Variants in ZNF429 observed in about 807,000 individuals in gnomAD.
The protein encoded by ZNF429 is zinc finger protein 429.
Under a neutral mutation model 56.8 loss-of-function variants are expected in ZNF429, and 53 were observed. That is an observed-to-expected ratio of 0.93 (90% confidence interval 0.75 to 1.17). The LOEUF (loss-of-function observed/expected upper bound fraction) is 1.17. Ranked by LOEUF, ZNF429 falls within the 50% of genes most tolerant of loss-of-function variation. The probability of loss-of-function intolerance (pLI) is 0.00; values close to 1 mark genes in which losing one functional copy is unlikely to be tolerated. For missense variants in ZNF429, 849 were observed against 788.4 expected, an observed-to-expected ratio of 1.08 and a Z score of -0.92; for synonymous variants, 278 against 264.7, an observed-to-expected ratio of 1.05 and a Z score of -0.49.
intron 2 of ZNF429, 57 bp from the exon 3 acceptor site, chr19:21,530,532 A>G: frequency 1.6e-6 from 2 of 1,286,768 alleles, no homozygotes; most frequent in Non-Finnish European, 1.1e-6. Flanking sequence ...GCACATTACT[A>G]AATTGGTAAT....
rs147721922 is a variant in ZNF429, at chr19:21,519,966, G to A, written c.4-9692G>A. The stretch of plus-strand genomic sequence containing the variant: ...AACCTCCTGGGTTCAAGCAATTCTC[G>A]TGCCTCAGCCTACTGAGTAACTGGG... On this transcript the variant is annotated intron_variant, in intron 1 of 3. Coordinates refer to ENST00000358491, the MANE Select transcript of ZNF429 (RefSeq NM_001001415.4). Among the ~76,000 whole-genome samples the A allele has an allele frequency of 4.8e-3, 724 of 150,874 alleles. 3 individuals are homozygous for A. Among genetic ancestry groups the A allele is most frequent in the Non-Finnish European group, 7.9e-3 (538 of 67,858 alleles).
In ZNF429 at chr19:21,537,354, T is replaced by C. The variant is rs749036539; in HGVS notation, c.1301T>C (p.Phe434Ser). The C allele has an allele frequency of 1.2e-6, 2 of 1,613,814 alleles. No homozygotes were observed. Among genetic ancestry groups the C allele is most frequent in the Non-Finnish European group, 1.7e-6 (2 of 1,179,872 alleles). Residue 434 changes from phenylalanine to serine, a missense_variant, in exon 4 of 4, where the codon TTT (phenylalanine) becomes TCT (serine). Phe to Ser is a radical substitution (Grantham distance 155). Transcript: ENST00000358491. ...AATTGTGAAGAATGTGGCAAAGTTT[T>C]TACCTATTCCTCTACACTTACTAGA... Reference protein sequence around the residue: ...PYNCEECGKVFTYSSTLTRHK... With the variant: ...PYNCEECGKVSTYSSTLTRHK...
At chr19:21,512,109 C>T (rs570202255) in intron 1 of ZNF429, among the ~76,000 whole-genome samples, 48 of 150,284 alleles carry the variant, frequency 3.2e-4, no homozygotes, top group Non-Finnish European at 5.1e-4. Flanking sequence ...AGAGGGAGAG[C>T]GGTAATTTCT....
intron 1 of ZNF429, among the ~76,000 whole-genome samples, chr19:21,509,009 T>C (rs530578653): frequency 7.9e-5 from 12 of 151,718 alleles, no homozygotes; most frequent in African/African-American, 2.9e-4. Flanking sequence ...TATGACTAAT[T>C]GTTTACTACA....
chr19:21,516,773 G>A (rs77512090), intron 1 of ZNF429, among the ~76,000 whole-genome samples: 2,425 of 152,260 alleles, frequency 0.016, 74 homozygotes, highest in African/African-American at 0.055. Context: ...AGATGCTGCT[G>A]ATTTTTGTAC....
At position 21,539,261 on chromosome 19, in the gene ZNF429, A is replaced by G. The variant is rs144894869; in HGVS notation, c.*1183A>G. 2.6e-5 allele frequency among the ~76,000 whole-genome samples: 4 copies of G among 150,996 alleles called. No homozygotes were observed. Among genetic ancestry groups the G allele is most frequent in the African/African-American group, 9.9e-5 (4 of 40,384 alleles). On this transcript the variant is annotated 3_prime_UTR_variant, in exon 4 of 4. Coordinates refer to ENST00000358491, the MANE Select transcript of ZNF429 (RefSeq NM_001001415.4). ...TGATATTTAATACATAGAAAAGTCT[A>G]CATGAATATCAGAATTTACAGTAGA... is the stretch of plus-strand genomic sequence containing the variant.
chr19:21,516,244 T>TCA (rs2032736274), intron 1 of ZNF429, among the ~76,000 whole-genome samples: 3 of 151,728 alleles, frequency 2.0e-5, no homozygotes, highest in East Asian at 2.0e-4. Flanking sequence ...ATCATCATCA[T>TCA]TATTATTATT....
intron 1 of ZNF429, among the ~76,000 whole-genome samples, chr19:21,508,880 GTT>G (rs1158324584): frequency 6.6e-6 from 1 of 152,078 alleles, no homozygotes; most frequent in African/African-American, 2.4e-5. Context: ...AACATCAGTT[GTT>G]TTTGCAGGAT....
chr19:21,506,767 G>GTTTTTTT (rs60650857), intron 1 of ZNF429, among the ~76,000 whole-genome samples: 153 of 111,666 alleles, frequency 1.4e-3, no homozygotes, highest in East Asian at 2.3e-3. Flanking sequence ...TTAGTTTTTT[G>GTTTTTTT]TTTTTTTTTT....
chr19:21,530,486 A>G, intron 2 of ZNF429, 103 bp from the exon 3 acceptor site: 6 of 668,960 alleles, frequency 9.0e-6, no homozygotes, highest in Non-Finnish European at 9.0e-6. Flanking sequence ...TTGGGCATTA[A>G]TTTACTAGAA....
rs570892795 is a variant in ZNF429 at position 21,536,439 on chromosome 19, G to T, written c.386G>T (p.Gly129Val). 6.2e-6 allele frequency: 10 copies of T among 1,613,706 alleles called. No homozygotes were observed. The highest frequency in any genetic ancestry group is 7.6e-6 in the Non-Finnish European group (9 of 1,179,846). Residue 129 changes from glycine to valine, a missense_variant, in exon 4 of 4, where the codon GGT (glycine) becomes GTT (valine). Gly to Val is a moderately radical substitution (Grantham distance 109). Coordinates refer to ENST00000358491, the MANE Select transcript of ZNF429 (RefSeq NM_001001415.4). ...GGTGATTGTAAGCTATACAAAGGAG[G>T]TTATAATGGACTTAACCAATGTTTG... ...TVGDCKLYKG[G>V]YNGLNQCLTL...
At chr19:21,507,416 T>A (rs2032230417) in intron 1 of ZNF429, 1 of 152,240 alleles carries the variant, frequency 6.6e-6, no homozygotes, top group South Asian at 2.1e-4. Context: ...TAAAAAGATT[T>A]GTTTTCTGTT....
chr19:21,527,347 CA>C (rs1048180361), intron 1 of ZNF429, among the ~76,000 whole-genome samples: 1 of 152,180 alleles, frequency 6.6e-6, no homozygotes, highest in African/African-American at 2.4e-5. Context: ...TAGAATTCCA[CA>C]GCCAATTTAC....
intron 3 of ZNF429, among the ~76,000 whole-genome samples, chr19:21,535,447 T>C: frequency 1.3e-4 from 13 of 102,206 alleles, no homozygotes; most frequent in African/African-American, 4.5e-4. Flanking sequence ...TTTCTTTCTT[T>C]CTTTCTTTCT....
intron 1 of ZNF429, among the ~76,000 whole-genome samples, chr19:21,523,450 C>T (rs2033054793): frequency 6.6e-6 from 1 of 152,206 alleles, no homozygotes; most frequent in South Asian, 2.1e-4. Flanking sequence ...GTCTTTCTCT[C>T]CTCTTTGAAC....
At position 21,538,719 on chromosome 19, in the gene ZNF429, T is replaced by A. The variant is rs1334733946; in HGVS notation, c.*641T>A. 2.0e-5 allele frequency: 3 copies of A among 152,212 alleles called. No individual in the cohort carries two copies. The highest frequency in any genetic ancestry group is 2.0e-4 in the Admixed American group (3 of 15,272). 9.4% of individuals were successfully genotyped at this position (152,212 alleles called of 1,614,324 possible). On this transcript the variant is annotated 3_prime_UTR_variant, in exon 4 of 4. Transcript: ENST00000358491. Reference sequence around the variant, plus strand: ...CACATCTTATTGCATAGAAAAGCATTTATACCTGAAAAAAGGTATACAAAT... The same window carrying A: ...CACATCTTATTGCATAGAAAAGCATATATACCTGAAAAAAGGTATACAAAT...
intron 3 of ZNF429, among the ~76,000 whole-genome samples, chr19:21,535,662 C>A: frequency 6.6e-6 from 1 of 151,348 alleles, no homozygotes. Context: ...TTATAGGTGC[C>A]TGCCATCACG....
At chr19:21,525,299 A>G (rs539952529) in intron 1 of ZNF429, among the ~76,000 whole-genome samples, 4 of 152,350 alleles carry the variant, frequency 2.6e-5, no homozygotes, top group Non-Finnish European at 4.4e-5. Context: ...GCTTATTAGT[A>G]TATGTTATAA....
chr19:21,536,639 A>G lies in ZNF429; in HGVS notation c.586A>G (p.Ile196Val), dbSNP rs1599491256. 1.2e-6 allele frequency: 2 copies of G among 1,613,984 alleles called. No individual in the cohort carries two copies. The highest frequency in any genetic ancestry group is 1.7e-5 in the Admixed American group (1 of 59,998). ...SQLTQHKKIHIRENTYRCKEF... is the reference protein window; with the variant it reads ...SQLTQHKKIHVRENTYRCKEF... The stretch of plus-strand genomic sequence containing the variant: ...ACTAACTCAACATAAGAAAATTCAT[A>G]TTAGAGAGAATACCTACAGATGTAA... The change falls in exon 4 of 4, where the codon ATT (isoleucine) becomes GTT (valine). Residue 196 changes from isoleucine to valine, a missense_variant. Coordinates refer to ENST00000358491, the MANE Select transcript of ZNF429 (RefSeq NM_001001415.4).
Sources: allele counts gnomAD v4.1 joint callset (sites outside exome capture counted in the v4.1 genomes callset), GRCh38; gene constraint gnomAD v4.1.1; transcripts MANE v1.5; gene names NCBI Gene and HGNC (gene_info 2026-07-23, HGNC 2026-07-21).